Variants in INPP4B observed in about 807,000 individuals in gnomAD.
INPP4B encodes inositol polyphosphate-4-phosphatase type II B, also known as inositol polyphosphate 4-phosphatase type II.
A neutral mutation model predicts 122.5 loss-of-function variants in INPP4B; 55 were observed. That is an observed-to-expected ratio of 0.45 (90% CI 0.36 to 0.56). INPP4B has a LOEUF of 0.56. INPP4B is among the 20% of genes least tolerant of loss of function. INPP4B has a pLI of 0.00. For synonymous variants in INPP4B, 403 were observed against 388.7 expected (o/e 1.04, Z -0.43); for missense variants, 1,000 against 1,097.7 (o/e 0.91, Z 1.26).
intron 12 of INPP4B, among the ~76,000 whole-genome samples, chr4:142,219,961 A>G (rs1848711603): frequency 6.6e-6 from 1 of 152,234 alleles, no homozygotes; most frequent in Non-Finnish European, 1.5e-5. Flanking sequence ...CAAACAAAAT[A>G]AAAAATTCAA....
At chr4:142,276,890 C>T (rs1220389820) in intron 9 of INPP4B, among the ~76,000 whole-genome samples, 1 of 151,828 alleles carries the variant, frequency 6.6e-6, no homozygotes. Context: ...CATTTCAATG[C>T]TAAATGTAAA....
intron 25 of INPP4B, among the ~76,000 whole-genome samples, chr4:142,040,970 A>T (rs935441497): frequency 2.0e-5 from 3 of 152,136 alleles, no homozygotes; most frequent in African/African-American, 7.2e-5. Context: ...ATAGGAGGTA[A>T]ATTCATCACG....
chr4:142,430,056 A>T (rs1808955447), intron 4 of INPP4B, among the ~76,000 whole-genome samples: 1 of 152,148 alleles, frequency 6.6e-6, no homozygotes, highest in African/African-American at 2.4e-5. Flanking sequence ...AGAGTATTAT[A>T]CAAATCCTTT....
At chr4:142,817,617 C>T (rs1336332901) in intron 1 of INPP4B, among the ~76,000 whole-genome samples, 3 of 152,160 alleles carry the variant, frequency 2.0e-5, no homozygotes, top group East Asian at 1.9e-4. Flanking sequence ...TGGTGACTAA[C>T]GATTAAATGC....
In INPP4B at chr4:142,648,550, C is replaced by T. The variant is rs140947993; in HGVS notation, c.-191+77289G>A. ...CCTGGCTCAGTGGGTCCCACACCCA[C>T]GAAACCTTAATCACTGCCAGTGCAG... On this transcript the variant is annotated intron_variant, in intron 2 of 25. Coordinates refer to ENST00000262992, the MANE Select transcript of INPP4B (RefSeq NM_001101669.3). Among the ~76,000 whole-genome samples, 377 of 152,318 alleles carry T rather than the reference C, an allele frequency of 2.5e-3. No individual in the cohort carries two copies. The Middle Eastern group carries it at 0.034, about 14-fold the overall frequency.
chr4:142,841,493 G>A (rs1242797188), intron 1 of INPP4B, among the ~76,000 whole-genome samples: 1 of 151,882 alleles, frequency 6.6e-6, no homozygotes, highest in Non-Finnish European at 1.5e-5. Context: ...TAAAATGGTA[G>A]TCCCCAAGTC....
intron 25 of INPP4B, among the ~76,000 whole-genome samples, chr4:142,065,379 A>G (rs1762994625): frequency 6.6e-6 from 1 of 152,176 alleles, no homozygotes; most frequent in Non-Finnish European, 1.5e-5. Context: ...ATTAAAGCCC[A>G]CATGTACAAA....
chr4:142,054,333 G>A (rs896324558), intron 25 of INPP4B, among the ~76,000 whole-genome samples: 4 of 150,866 alleles, frequency 2.7e-5, no homozygotes, highest in African/African-American at 7.3e-5. Context: ...ACACTTTTAT[G>A]TGCATGTATG....
At chr4:142,768,436 G>A (rs990525085) in intron 1 of INPP4B, among the ~76,000 whole-genome samples, 2 of 152,160 alleles carry the variant, frequency 1.3e-5, no homozygotes, top group African/African-American at 4.8e-5. Context: ...GGTCATAGCA[G>A]TCAGAAAGAT....
At chr4:142,552,920 C>T (rs1483091187) in intron 2 of INPP4B, among the ~76,000 whole-genome samples, 1 of 152,168 alleles carries the variant, frequency 6.6e-6, no homozygotes, top group Non-Finnish European at 1.5e-5. Flanking sequence ...ATATCTCCTA[C>T]CTTCATTGCA....
chr4:142,303,859 C>T (rs1324484820), intron 9 of INPP4B, among the ~76,000 whole-genome samples: 1 of 152,092 alleles, frequency 6.6e-6, no homozygotes, highest in Non-Finnish European at 1.5e-5. Flanking sequence ...TTTTCTCTTT[C>T]AAGGGTAATA....
Position 142,359,228 on chromosome 4 carries a change from A to AC in INPP4B, c.372+43709_372+43710insG, listed in dbSNP as rs537589659. Among the ~76,000 whole-genome samples the AC allele has an allele frequency of 7.8e-4, 118 of 151,622 alleles. 1 individual carries two copies. The highest frequency in any genetic ancestry group is 3.4e-3 in the Middle Eastern group (1 of 294). On this transcript the variant is annotated intron_variant, in intron 7 of 25. Transcript: ENST00000262992. ...TGGCAAAAAACAAACAAACAAACAA[A>AC]AAAAAAAAACAGGCTCTGGAGCCAA... is the stretch of plus-strand genomic sequence containing the variant.
chr4:142,235,947 A>G (rs1579386798), intron 12 of INPP4B, among the ~76,000 whole-genome samples: 1 of 152,218 alleles, frequency 6.6e-6, no homozygotes, highest in Admixed American at 6.5e-5. Context: ...ATTTGGAATT[A>G]TAGAATAAAT....
At chr4:142,370,934 C>T (rs993465712) in intron 7 of INPP4B, among the ~76,000 whole-genome samples, 7 of 151,858 alleles carry the variant, frequency 4.6e-5, no homozygotes, top group Non-Finnish European at 8.8e-5. Context: ...AAAGATAAAA[C>T]CTAAAACTCA....
chr4:142,667,235 T>A (rs941011893), intron 2 of INPP4B, among the ~76,000 whole-genome samples: 1 of 152,224 alleles, frequency 6.6e-6, no homozygotes, highest in Non-Finnish European at 1.5e-5. Context: ...GCTGTATTTA[T>A]CCAGCCTTCA....
At chr4:142,429,819 G>A (rs999466784) in intron 4 of INPP4B, among the ~76,000 whole-genome samples, 1 of 151,964 alleles carries the variant, frequency 6.6e-6, no homozygotes, top group Non-Finnish European at 1.5e-5. Context: ...AGTGAGTCTG[G>A]GGACAAAGGT....
At chr4:142,139,276 T>C (rs963950839) in intron 18 of INPP4B, among the ~76,000 whole-genome samples, 2 of 151,976 alleles carry the variant, frequency 1.3e-5, no homozygotes, top group Non-Finnish European at 2.9e-5. Context: ...TATAATTGCA[T>C]TAATTTGTGA....
At chr4:142,066,328 T>A (rs1192711495) in intron 25 of INPP4B, among the ~76,000 whole-genome samples, 2 of 152,180 alleles carry the variant, frequency 1.3e-5, no homozygotes, top group Non-Finnish European at 2.9e-5. Context: ...GGTAAGTACA[T>A]GTGAATTGTA....
chr4:142,540,235 A>G (rs1828776082), intron 2 of INPP4B, among the ~76,000 whole-genome samples: 1 of 152,020 alleles, frequency 6.6e-6, no homozygotes, highest in Non-Finnish European at 1.5e-5. Context: ...TAAAATCCAG[A>G]CCAAAAAGGA....
Sources: allele counts gnomAD v4.1 joint callset (sites outside exome capture counted in the v4.1 genomes callset), GRCh38; gene constraint gnomAD v4.1.1; transcripts MANE v1.5; gene names NCBI Gene and HGNC (gene_info 2026-07-23, HGNC 2026-07-21).